The following PDE4D variants were observed in gnomAD, a reference collection of about 807,000 sequenced individuals.
PDE4D encodes the protein phosphodiesterase 4D, also known as 3',5'-cyclic-AMP phosphodiesterase 4D.
In PDE4D, 24 loss-of-function variants were observed where a neutral mutation model predicts 87.4. That is an observed-to-expected ratio of 0.27 (90% CI 0.20 to 0.39). The LOEUF is 0.39. Among genes scored for constraint, PDE4D ranks in the 10% least tolerant of loss-of-function variants. PDE4D has a pLI of 1.00. For synonymous variants in PDE4D, 384 were observed against 383.2 expected (o/e 1.00, Z -0.02); for missense variants, 714 against 1,041.0 (o/e 0.69, Z 4.32).
intron 1 of PDE4D, among the ~76,000 whole-genome samples, chr5:60,423,354 A>G (rs1319841274): frequency 6.6e-6 from 1 of 152,274 alleles, no homozygotes; most frequent in Non-Finnish European, 1.5e-5. Flanking sequence ...CTCTCAGACC[A>G]CAATGCAATC....
chr5:59,898,231 CTT>C (rs1043747581), upstream of PDE4D, among the ~76,000 whole-genome samples: 1 of 152,204 alleles, frequency 6.6e-6, no homozygotes, highest in African/African-American at 2.4e-5. Context: ...AATTTTGTAA[CTT>C]TCTAATGATA....
intron 1 of PDE4D, among the ~76,000 whole-genome samples, chr5:59,281,183 C>T (rs1025798006): frequency 1.2e-4 from 18 of 152,028 alleles, no homozygotes; most frequent in African/African-American, 3.6e-4. Context: ...ATGTTTTGGG[C>T]GACTGGGGCA....
At chr5:60,159,586 T>C (rs1782297862) in intron 2 of PDE4D, among the ~76,000 whole-genome samples, 1 of 152,220 alleles carries the variant, frequency 6.6e-6, no homozygotes, top group Non-Finnish European at 1.5e-5. Context: ...GTGATATCAG[T>C]AGAGCTGACA....
intron 1 of PDE4D, among the ~76,000 whole-genome samples, chr5:59,736,678 C>CA (rs369497546): frequency 0.023 from 3,065 of 134,194 alleles, 75 homozygotes; most frequent in African/African-American, 0.067. Flanking sequence ...GATTTTGTCT[C>CA]AAAAAAAAAA....
At chr5:59,250,827 A>G (rs1167019554) in intron 1 of PDE4D, among the ~76,000 whole-genome samples, 3 of 152,200 alleles carry the variant, frequency 2.0e-5, no homozygotes, top group Non-Finnish European at 4.4e-5. Context: ...TGGTACAAGA[A>G]CAGCCAGATA....
intron 1 of PDE4D, among the ~76,000 whole-genome samples, chr5:59,604,402 G>A (rs1425546235): frequency 6.6e-6 from 1 of 152,060 alleles, no homozygotes; most frequent in Non-Finnish European, 1.5e-5. Context: ...CTGCAATGGT[G>A]AGAATGTTAA....
At chr5:59,229,209 G>A (rs7726987) in intron 1 of PDE4D, among the ~76,000 whole-genome samples, 4,600 of 152,066 alleles carry the variant, frequency 0.03, 267 homozygotes, top group African/African-American at 0.11. Flanking sequence ...TGCCTCACAC[G>A]TACGAGTTGC....
intron 1 of PDE4D, among the ~76,000 whole-genome samples, chr5:59,641,876 A>G (rs1741639381): frequency 6.6e-6 from 1 of 152,228 alleles, no homozygotes; most frequent in Non-Finnish European, 1.5e-5. Context: ...TAACTATTGC[A>G]ATATTAAATG....
intron 1 of PDE4D, chr5:60,460,610 C>T: frequency 7.9e-7 from 1 of 1,260,098 alleles, no homozygotes; most frequent in Non-Finnish European, 1.2e-6. Flanking sequence ...CATTCAATTG[C>T]TTCTTGCTGT....
chr5:59,133,353 A>G (rs1776549585), intron 5 of PDE4D, among the ~76,000 whole-genome samples: 2 of 152,284 alleles, frequency 1.3e-5, no homozygotes, highest in Admixed American at 1.3e-4. Context: ...GGTGAAGATA[A>G]GCAAGTTAAG....
chr5:60,255,568 T>A (rs1748959332), intron 1 of PDE4D, among the ~76,000 whole-genome samples: 2 of 151,930 alleles, frequency 1.3e-5, no homozygotes, highest in African/African-American at 4.8e-5. Context: ...ACATCTTCTC[T>A]ATGAGCCTCA....
At chr5:59,788,067 A>G (rs185699622) in intron 1 of PDE4D, among the ~76,000 whole-genome samples, 1 of 152,350 alleles carries the variant, frequency 6.6e-6, no homozygotes, top group Admixed American at 6.5e-5. Context: ...GCTATGTATA[A>G]AACCCAACAT....
intron 1 of PDE4D, among the ~76,000 whole-genome samples, chr5:60,194,766 A>T (rs1488638788): frequency 4.6e-5 from 7 of 151,690 alleles, no homozygotes; most frequent in Non-Finnish European, 3.0e-5. Context: ...GTCTACCACT[A>T]CCACAGTCTT....
At chr5:59,386,544 G>A (rs1275813825) in intron 1 of PDE4D, among the ~76,000 whole-genome samples, 3 of 86,646 alleles carry the variant, frequency 3.5e-5, no homozygotes, top group African/African-American at 1.0e-4. Flanking sequence ...CCTGGGCATG[G>A]TGGCTCATGT....
intron 1 of PDE4D, among the ~76,000 whole-genome samples, chr5:59,392,125 G>C (rs1788359607): frequency 6.6e-6 from 1 of 151,880 alleles, no homozygotes; most frequent in African/African-American, 2.4e-5. Context: ...AATCCTGAGT[G>C]TGAACTTGAG....
intron 1 of PDE4D, among the ~76,000 whole-genome samples, chr5:60,389,407 T>C (rs1762421507): frequency 6.6e-6 from 1 of 152,222 alleles, no homozygotes; most frequent in Non-Finnish European, 1.5e-5. Context: ...ATTTATATTT[T>C]ATATACTTGA....
chr5:59,040,654 C>T (rs904121851), intron 5 of PDE4D, among the ~76,000 whole-genome samples: 6 of 152,152 alleles, frequency 3.9e-5, no homozygotes, highest in Admixed American at 1.3e-4. Flanking sequence ...CATTAGCATG[C>T]AATAAGCAAA....
intron 2 of PDE4D, among the ~76,000 whole-genome samples, chr5:60,045,681 A>G (rs1238947675): frequency 6.6e-6 from 1 of 151,992 alleles, no homozygotes; most frequent in African/African-American, 2.4e-5. Context: ...GTAGATATGC[A>G]GCATTATTTC....
chr5:59,163,859 A>T (rs896585188), intron 5 of PDE4D, among the ~76,000 whole-genome samples: 1 of 152,302 alleles, frequency 6.6e-6, no homozygotes, highest in East Asian at 1.9e-4. Context: ...CCAGCATATT[A>T]GTTTTTAATT....
Sources: gnomAD v4.1 joint callset for allele counts (sites outside exome capture counted in the v4.1 genomes callset) on GRCh38, gnomAD v4.1.1 for gene constraint, MANE v1.5 for transcripts, NCBI Gene and HGNC (gene_info 2026-07-23, HGNC 2026-07-21) for gene names.